Variants in MACF1 observed in about 807,000 individuals in gnomAD.
MACF1 encodes microtubule-actin cross-linking factor 1.
Under a neutral mutation model 854.8 loss-of-function variants are expected in MACF1, and 193 were observed. That is an observed-to-expected ratio of 0.23 (90% CI 0.20 to 0.25). The LOEUF (loss-of-function observed/expected upper bound fraction) is 0.25. Among genes scored for constraint, MACF1 ranks in the 10% least tolerant of loss-of-function variants. The pLI is 1.00. For missense variants in MACF1, 7,722 were observed against 8,929.1 expected (o/e 0.86, Z 5.45); for synonymous variants, 3,185 against 3,226.7 (o/e 0.99, Z 0.44).
At chr1:39,311,031 T>A in intron 26 of MACF1, 31 bp downstream of exon 26, 3 of 1,596,298 alleles carry the variant, frequency 1.9e-6, no homozygotes, top group Non-Finnish European at 2.6e-6. Flanking sequence ...GGATGCTGGT[T>A]GTGGAGTGAA....
At chr1:39,472,750 T>C (rs1450286694) in intron 97 of MACF1, among the ~76,000 whole-genome samples, 1 of 152,200 alleles carries the variant, frequency 6.6e-6, no homozygotes, top group Non-Finnish European at 1.5e-5. Flanking sequence ...ATTTTACTAT[T>C]GTGAGCTTAA....
Position 39,336,461 on chromosome 1 carries a change from C to A in MACF1, c.9873C>A (p.Ile3291=), listed in dbSNP as rs751501090. ...AGAATACAGGGCAACAGAATGCCATCATTAGTCCTACTGTTCTAGAGACCA... is the reference window on the plus strand; with the variant it reads ...AGAATACAGGGCAACAGAATGCCATAATTAGTCCTACTGTTCTAGAGACCA... ...QKENTGQQNA[I]ISPTVLETSE... The change falls in exon 37 of 101, where the codon ATC becomes ATA. Residue 3291 remains isoleucine, a synonymous_variant. Coordinates refer to ENST00000564288, the MANE Select transcript of MACF1 (RefSeq NM_001394062.1). The A allele has an allele frequency of 1.9e-6, 3 of 1,614,074 alleles. No homozygotes were observed. Among genetic ancestry groups the A allele is most frequent in the Non-Finnish European group, 2.5e-6 (3 of 1,179,944 alleles).
chr1:39,356,856 CT>C, intron 44 of MACF1, among the ~76,000 whole-genome samples: 1 of 152,310 alleles, frequency 6.6e-6, no homozygotes, highest in East Asian at 1.9e-4. Flanking sequence ...TATTCACTTA[CT>C]CTTAATATGG....
intron 31 of MACF1, among the ~76,000 whole-genome samples, chr1:39,321,069 C>T (rs1432557371): frequency 6.6e-6 from 1 of 152,198 alleles, no homozygotes; most frequent in East Asian, 1.9e-4. Context: ...TTTTTCCTGA[C>T]TTGTTTCTCA....
intron 1 of MACF1, among the ~76,000 whole-genome samples, chr1:39,217,926 GTAAT>G (rs1644597545): frequency 2.0e-5 from 3 of 148,250 alleles, no homozygotes; most frequent in South Asian, 4.3e-4. Flanking sequence ...GCTCATGCCT[GTAAT>G]CCCAGCACTT....
At chr1:39,191,107 A>G (rs1224365133) in intron 2 of MACF1, among the ~76,000 whole-genome samples, 5 of 152,212 alleles carry the variant, frequency 3.3e-5, no homozygotes, top group African/African-American at 1.2e-4. Context: ...AGGTAGGGAA[A>G]AAATGTAGGC....
chr1:39,367,787 A>G lies in MACF1; in HGVS notation c.12772-361A>G, dbSNP rs112938447. On this transcript the variant is annotated intron_variant, in intron 49 of 100. Transcript: ENST00000564288. ...TGAAGTTGTCCTACATATTTATCAG[A>G]TTTTTTAATTGGGCTTTTTAATACA... 5.2e-3 allele frequency among the ~76,000 whole-genome samples: 789 copies of G among 151,902 alleles called. 5 individuals are homozygous for G. Among genetic ancestry groups the G allele is most frequent in the African/African-American group, 0.018 (729 of 41,492 alleles).
At chr1:39,367,457 G>A (rs1161846802) in intron 49 of MACF1, among the ~76,000 whole-genome samples, 1 of 151,726 alleles carries the variant, frequency 6.6e-6, no homozygotes, top group African/African-American at 2.4e-5. Context: ...CCTTGGCCCC[G>A]AAAAGTGCTG....
chr1:39,193,793 A>G (rs924616502), intron 2 of MACF1, among the ~76,000 whole-genome samples: 3 of 150,392 alleles, frequency 2.0e-5, no homozygotes, highest in East Asian at 1.9e-4. Flanking sequence ...AGAGAGAGGG[A>G]GAGAGAGAGA....
intron 2 of MACF1, among the ~76,000 whole-genome samples, chr1:39,156,450 C>G (rs1643688877): frequency 6.6e-6 from 1 of 152,168 alleles, no homozygotes; most frequent in Non-Finnish European, 1.5e-5. Flanking sequence ...GAAACACTGT[C>G]TCTACAAAAA....
chr1:39,088,087 C>T (rs1383459873), intron 2 of MACF1, among the ~76,000 whole-genome samples: 1 of 152,194 alleles, frequency 6.6e-6, no homozygotes, highest in Non-Finnish European at 1.5e-5. Flanking sequence ...ATTCTCCTGC[C>T]TCAGCCTCCT....
intron 2 of MACF1, among the ~76,000 whole-genome samples, chr1:39,152,884 A>G (rs67408364): frequency 0.16 from 24,514 of 150,944 alleles, 2,457 homozygotes; most frequent in Middle Eastern, 0.22. Flanking sequence ...TTGGTGGCCT[A>G]TGTTTCTAGA....
intron 2 of MACF1, among the ~76,000 whole-genome samples, chr1:39,234,284 C>G (rs528576562): frequency 6.6e-6 from 1 of 152,102 alleles, no homozygotes; most frequent in Non-Finnish European, 1.5e-5. Flanking sequence ...CATCCTGGCC[C>G]GTTCTCAATG....
At position 39,438,198 on chromosome 1, in the gene MACF1, A is replaced by G. The variant is rs554664695; in HGVS notation, c.18220+190A>G. ...ATTTCGCCATTGAAACAAGGTTACA[A>G]TTGGTAGTTAGATTCCCAGGCCAGG... On this transcript the variant is annotated intron_variant, in intron 71 of 100. Coordinates refer to ENST00000564288, the MANE Select transcript of MACF1 (RefSeq NM_001394062.1). Among the ~76,000 whole-genome samples the G allele has an allele frequency of 3.6e-4, 55 of 152,364 alleles. 2 individuals carry two copies. In the South Asian group the frequency reaches 0.011, roughly 31 times the overall value.
intron 2 of MACF1, among the ~76,000 whole-genome samples, chr1:39,137,840 G>A (rs531882489): frequency 4.6e-4 from 70 of 152,128 alleles, no homozygotes; most frequent in African/African-American, 1.4e-3. Flanking sequence ...TTGGGAAGCC[G>A]AGGCAGGTGG....
chr1:39,459,010 C>A, intron 90 of MACF1, 76 bp from the exon 91 acceptor site: 1 of 1,254,554 alleles, frequency 8.0e-7, no homozygotes, highest in Non-Finnish European at 1.1e-6. Flanking sequence ...TAAAGATCTT[C>A]TAGGTTTATA....
chr1:39,149,634 T>C (rs1222815962), intron 2 of MACF1, among the ~76,000 whole-genome samples: 1 of 152,166 alleles, frequency 6.6e-6, no homozygotes, highest in Non-Finnish European at 1.5e-5. Flanking sequence ...CTTTTAGTAA[T>C]TTCAGTTCTG....
chr1:39,388,056 T>A lies in MACF1; in HGVS notation c.15214T>A (p.Phe5072Ile). Residue 5072 changes from phenylalanine (F) to isoleucine (I), a missense_variant, in exon 58 of 101, where the codon TTT becomes ATT. Around this residue, in one of 15 missense-constraint regions of MACF1, gnomAD observed 2,807 missense variants for 3,235.8 expected, o/e 0.87. Transcript: ENST00000564288. ...GCCTCAGGTAGACTATCTGAGGAAC[T>A]TTACTCAGGGTCTGGTAGAAGATGC... is the stretch of plus-strand genomic sequence containing the variant. Reference protein sequence around the residue: ...LEPQVDYLRNFTQGLVEDAPD... With the variant: ...LEPQVDYLRNITQGLVEDAPD... The A allele has an allele frequency of 1.2e-6, 2 of 1,614,090 alleles. No homozygotes were observed. The highest frequency in any genetic ancestry group is 2.2e-5 in the South Asian group (2 of 91,080).
chr1:39,471,712 A>C (rs1644780938), intron 97 of MACF1, among the ~76,000 whole-genome samples: 1 of 152,220 alleles, frequency 6.6e-6, no homozygotes. Context: ...CTTGTACCTA[A>C]GGTACTGTGT....
Sources: gnomAD v4.1 joint callset for allele counts (sites outside exome capture counted in the v4.1 genomes callset) on GRCh38, gnomAD v4.1.1 for gene constraint, gnomAD v4.1.1 regional missense constraint, MANE v1.5 for transcripts, NCBI Gene and HGNC (gene_info 2026-07-23, HGNC 2026-07-21) for gene names.